WASF3: variants seen among roughly 807,000 people sequenced by gnomAD.
WASF3 encodes actin-binding protein WASF3.
In WASF3, 11 loss-of-function variants were observed where a neutral mutation model predicts 46.6. The ratio of observed to expected loss-of-function variants is 0.24; its 90% CI spans 0.15 to 0.39. WASF3 has a LOEUF of 0.39. Ranked by LOEUF, WASF3 falls within the 10% of genes least tolerant of loss-of-function variation. WASF3 has a pLI of 1.00. For missense variants in WASF3, 576 were observed against 669.8 expected, an observed-to-expected ratio of 0.86 and a Z score of 1.55; for synonymous variants, 242 against 259.7, an observed-to-expected ratio of 0.93 and a Z score of 0.65.
chr13:26,651,647 C>T (rs1882319276), intron 3 of WASF3, among the ~76,000 whole-genome samples: 1 of 152,140 alleles, frequency 6.6e-6, no homozygotes, highest in African/African-American at 2.4e-5. Flanking sequence ...GGAAATGATA[C>T]CATTTGGAAA....
intron 3 of WASF3, among the ~76,000 whole-genome samples, chr13:26,657,134 C>T (rs192468102): frequency 2.7e-4 from 41 of 152,288 alleles, no homozygotes; most frequent in African/African-American, 8.2e-4. Context: ...TTTGCTTGTT[C>T]GCTTGGCTTG....
At chr13:26,562,922 C>T (rs1879344816) in intron 1 of WASF3, among the ~76,000 whole-genome samples, 2 of 123,598 alleles carry the variant, frequency 1.6e-5, no homozygotes, top group African/African-American at 6.1e-5. Flanking sequence ...CTTTTCTTTT[C>T]TTTTCTTTCT....
At chr13:26,574,923 A>G (rs976191249) in intron 1 of WASF3, among the ~76,000 whole-genome samples, 2 of 149,442 alleles carry the variant, frequency 1.3e-5, no homozygotes, top group African/African-American at 4.9e-5. Flanking sequence ...TGCAAGCTGC[A>G]CCTCCTGGGT....
chr13:26,639,428 C>T (rs41386748), intron 2 of WASF3, among the ~76,000 whole-genome samples: 24,103 of 152,162 alleles, frequency 0.16, 2,408 homozygotes, highest in South Asian at 0.26. Flanking sequence ...AATCAGCAAA[C>T]ATTTTTTGAA....
intron 1 of WASF3, among the ~76,000 whole-genome samples, chr13:26,560,388 TC>T (rs1879259221): frequency 1.3e-5 from 2 of 152,246 alleles, no homozygotes; most frequent in South Asian, 4.1e-4. Flanking sequence ...GTTTTCTTTT[TC>T]CCGTCTTATT....
intron 6 of WASF3, among the ~76,000 whole-genome samples, chr13:26,675,077 T>C (rs1024584220): frequency 2.0e-5 from 3 of 152,214 alleles, no homozygotes; most frequent in Non-Finnish European, 4.4e-5. Flanking sequence ...GGCCACCTGC[T>C]GTTCTTTCAC....
At chr13:26,541,450 G>A in the WASF3 span, among the ~76,000 whole-genome samples, 1 of 152,148 alleles carries the variant, frequency 6.6e-6, no homozygotes, top group Non-Finnish European at 1.5e-5. Flanking sequence ...AATCTCATAG[G>A]AATATTCTGA....
intron 1 of WASF3, among the ~76,000 whole-genome samples, chr13:26,590,333 G>A (rs373900831): frequency 2.0e-5 from 3 of 152,192 alleles, no homozygotes; most frequent in East Asian, 1.9e-4. Context: ...TTGTAAAAAT[G>A]TAACATGGTA....
At chr13:26,582,782 T>C (rs1380486665) in intron 1 of WASF3, among the ~76,000 whole-genome samples, 3 of 145,336 alleles carry the variant, frequency 2.1e-5, no homozygotes, top group Non-Finnish European at 4.5e-5. Flanking sequence ...GTACCGAGAA[T>C]AGAAAATTTC....
chr13:26,669,137 A>T (rs1263727171), intron 5 of WASF3, among the ~76,000 whole-genome samples: 1 of 150,350 alleles, frequency 6.7e-6, no homozygotes, highest in African/African-American at 2.5e-5. Context: ...ATGAAAACTG[A>T]TTTGACTTTC....
At chr13:26,591,181 T>C (rs547419920) in intron 1 of WASF3, among the ~76,000 whole-genome samples, 1 of 150,856 alleles carries the variant, frequency 6.6e-6, no homozygotes, top group Non-Finnish European at 1.5e-5. Context: ...GACAGAGTGG[T>C]TAGGGGAGGG....
intron 1 of WASF3, among the ~76,000 whole-genome samples, chr13:26,568,913 C>G (rs1192104554): frequency 6.6e-6 from 1 of 152,132 alleles, no homozygotes; most frequent in East Asian, 1.9e-4. Flanking sequence ...ATTAAGCAAA[C>G]CGGTCTGCTG....
At chr13:26,630,507 G>A (rs149969707) in intron 2 of WASF3, among the ~76,000 whole-genome samples, 7,171 of 152,236 alleles carry the variant, frequency 0.047, 597 homozygotes, top group African/African-American at 0.16. Flanking sequence ...TTTTGTGGCT[G>A]CACAGTATTC....
At chr13:26,681,456 A>G in intron 8 of WASF3, 136 bp downstream of exon 8, 3 of 1,067,624 alleles carry the variant, frequency 2.8e-6, no homozygotes, top group Non-Finnish European at 2.6e-6. Context: ...GATACTAGCA[A>G]CTCTAACATT....
chr13:26,624,243 A>G (rs1029454955), intron 2 of WASF3, among the ~76,000 whole-genome samples: 2 of 152,244 alleles, frequency 1.3e-5, no homozygotes, highest in Non-Finnish European at 2.9e-5. Flanking sequence ...AGTCTATATC[A>G]ACAGAAATAA....
intron 1 of WASF3, among the ~76,000 whole-genome samples, chr13:26,605,424 G>A (rs576289362): frequency 9.8e-5 from 15 of 152,310 alleles, no homozygotes; most frequent in African/African-American, 3.6e-4. Flanking sequence ...GGTGATCACA[G>A]AGGCAACTCA....
intron 8 of WASF3, 108 bp downstream of exon 8, chr13:26,681,428 C>A: frequency 7.6e-7 from 1 of 1,317,922 alleles, no homozygotes; most frequent in Non-Finnish European, 1.0e-6. Flanking sequence ...AAGATAGAGT[C>A]AAGGATGACT....
chr13:26,554,086 TCC>T (rs1369411057), upstream of WASF3, among the ~76,000 whole-genome samples: 3 of 117,286 alleles, frequency 2.6e-5, no homozygotes, highest in East Asian at 2.5e-4. Context: ...CTTCCTTCCT[TCC>T]TTCCTTCCTT....
chr13:26,624,663 A>G (rs1239820742), intron 2 of WASF3, among the ~76,000 whole-genome samples: 2 of 152,102 alleles, frequency 1.3e-5, no homozygotes, highest in Non-Finnish European at 2.9e-5. Context: ...GAACCCTCCA[A>G]GTTCTAGAAA....
Sources: allele counts gnomAD v4.1 joint callset (sites outside exome capture counted in the v4.1 genomes callset), GRCh38; gene constraint gnomAD v4.1.1; transcripts MANE v1.5; gene names NCBI Gene and HGNC (gene_info 2026-07-23, HGNC 2026-07-21).